STXBP4: variants seen among roughly 807,000 people sequenced by gnomAD.
STXBP4 encodes syntaxin-binding protein 4.
STXBP4 carries 55 observed loss-of-function variants against 76.1 expected under a neutral mutation model. The observed-to-expected ratio is 0.72, with a 90% CI of 0.58 to 0.91. STXBP4 has a LOEUF of 0.91. Ranked by LOEUF, STXBP4 falls within the 40% of genes least tolerant of loss-of-function variation. The pLI is 0.00. For missense variants in STXBP4, 618 were observed against 636.9 expected, an observed-to-expected ratio of 0.97 and a Z score of 0.32; for synonymous variants, 201 against 220.2, an observed-to-expected ratio of 0.91 and a Z score of 0.77.
chr17:55,183,175 G>A, the STXBP4 span, among the ~76,000 whole-genome samples: 1 of 151,968 alleles, frequency 6.6e-6, no homozygotes, highest in Non-Finnish European at 1.5e-5. Context: ...ACATAAAGAG[G>A]GTAAAAACTA....
intron 12 of STXBP4, among the ~76,000 whole-genome samples, chr17:55,069,451 G>T (rs549482591): frequency 4.6e-5 from 7 of 152,254 alleles, no homozygotes; most frequent in South Asian, 2.1e-4. Flanking sequence ...AGGCTGTACA[G>T]TTATTTATTA....
chr17:55,211,100 C>A, the STXBP4 span, among the ~76,000 whole-genome samples: 5 of 152,102 alleles, frequency 3.3e-5, no homozygotes, highest in Admixed American at 6.6e-5. Flanking sequence ...AATGCCCCCC[C>A]CCATGAAATT....
chr17:55,140,525 CTG>C (rs1486473421), intron 16 of STXBP4, among the ~76,000 whole-genome samples: 3 of 152,052 alleles, frequency 2.0e-5, no homozygotes, highest in African/African-American at 7.2e-5. Flanking sequence ...GTGGAAACCA[CTG>C]TGTTCTAGAA....
intron 8 of STXBP4, among the ~76,000 whole-genome samples, chr17:55,021,847 A>C (rs1423825011): frequency 6.6e-6 from 1 of 152,232 alleles, no homozygotes; most frequent in Admixed American, 6.5e-5. Context: ...AAAATGACTC[A>C]AGAATAGTTT....
intron 11 of STXBP4, among the ~76,000 whole-genome samples, chr17:55,046,122 T>C (rs918812166): frequency 2.3e-4 from 35 of 152,032 alleles, no homozygotes; most frequent in African/African-American, 8.2e-4. Context: ...GAATTCACAT[T>C]GCTACTGCTT....
chr17:55,140,149 T>A (rs1346145322), intron 16 of STXBP4, among the ~76,000 whole-genome samples: 1 of 151,880 alleles, frequency 6.6e-6, no homozygotes, highest in Non-Finnish European at 1.5e-5. Context: ...ACAAAAAAAT[T>A]TAAAAAAGAT....
intron 16 of STXBP4, among the ~76,000 whole-genome samples, chr17:55,094,469 G>T (rs1383911120): frequency 6.6e-6 from 1 of 152,130 alleles, no homozygotes; most frequent in Admixed American, 6.5e-5. Flanking sequence ...GGTAACTTGG[G>T]CTCAGTTTGA....
At chr17:55,035,742 C>G (rs1322211240) in intron 10 of STXBP4, among the ~76,000 whole-genome samples, 2 of 151,832 alleles carry the variant, frequency 1.3e-5, no homozygotes, top group Non-Finnish European at 2.9e-5. Context: ...GAATTCTTTT[C>G]ATGCCAGCTC....
intron 3 of STXBP4, among the ~76,000 whole-genome samples, chr17:54,990,272 T>C (rs1387934673): frequency 7.0e-6 from 1 of 142,552 alleles, no homozygotes; most frequent in Non-Finnish European, 1.5e-5. Context: ...TAGTGGTCCG[T>C]AGTCTGTTAG....
At chr17:55,000,212 T>C (rs2077885251) in intron 6 of STXBP4, 7 of 985,256 alleles carry the variant, frequency 7.1e-6, no homozygotes, top group Non-Finnish European at 8.4e-6. Flanking sequence ...TTTTTGTTCC[T>C]TAGCTTCTTT....
At chr17:54,991,004 A>G (rs745450122) in intron 4 of STXBP4, 47 bp downstream of exon 4, 14 of 1,463,602 alleles carry the variant, frequency 9.6e-6, no homozygotes, top group Non-Finnish European at 1.3e-5. Flanking sequence ...AAAAAGACCC[A>G]CCAGTGGTAA....
chr17:55,150,486 G>C (rs1216313071), intron 17 of STXBP4, among the ~76,000 whole-genome samples: 2 of 152,120 alleles, frequency 1.3e-5, no homozygotes, highest in Non-Finnish European at 2.9e-5. Flanking sequence ...ATACAGCCAC[G>C]CTGGGGTTTG....
intron 7 of STXBP4, among the ~76,000 whole-genome samples, chr17:55,005,118 C>T (rs577780024): frequency 2.5e-4 from 38 of 152,248 alleles, no homozygotes; most frequent in African/African-American, 7.7e-4. Flanking sequence ...ATTAAATCTC[C>T]TTATAATACA....
chr17:55,074,601 A>G (rs954323104), intron 13 of STXBP4, among the ~76,000 whole-genome samples: 1 of 152,196 alleles, frequency 6.6e-6, no homozygotes, highest in African/African-American at 2.4e-5. Flanking sequence ...GAAAGTTCAC[A>G]TGAAATTATT....
At chr17:55,185,284 TCTC>T in the STXBP4 span, among the ~76,000 whole-genome samples, 3 of 85,430 alleles carry the variant, frequency 3.5e-5, no homozygotes, top group African/African-American at 1.4e-4. Context: ...TCCTTCTCCT[TCTC>T]CTTCTCCTTC....
chr17:54,975,088 C>A (rs769355874), intron 1 of STXBP4, among the ~76,000 whole-genome samples: 1 of 152,138 alleles, frequency 6.6e-6, no homozygotes, highest in African/African-American at 2.4e-5. Flanking sequence ...TGATTCCTAC[C>A]CCACTTAGAT....
At chr17:55,077,686 C>CAT in intron 13 of STXBP4, among the ~76,000 whole-genome samples, 1 of 134,004 alleles carries the variant, frequency 7.5e-6, no homozygotes, top group South Asian at 2.6e-4. Context: ...TGTCTTACAT[C>CAT]GTGTGTGTGT....
rs1359927419 is a variant in STXBP4, at chr17:55,170,748, A to C, written c.*10837A>C. 6.6e-6 allele frequency: 1 copy of C among 152,238 alleles called. No individual in the cohort carries two copies. The highest frequency in any genetic ancestry group is 1.5e-5 in the Non-Finnish European group (1 of 68,048). 9.4% of individuals were successfully genotyped at this position (152,238 alleles called of 1,614,324 possible). A position where few individuals can be genotyped will look rare whatever the true frequency, so the allele number is the denominator to read the frequency against. ...AATAACTAAATTGATTATTGTGGAAACAACAAAAAAATTCATTTTTTGAAA... is the reference window on the plus strand; with the variant it reads ...AATAACTAAATTGATTATTGTGGAACCAACAAAAAAATTCATTTTTTGAAA... On this transcript the variant is annotated 3_prime_UTR_variant, in exon 18 of 18. Coordinates refer to ENST00000376352, the MANE Select transcript of STXBP4 (RefSeq NM_178509.6).
chr17:54,996,126 G>T (rs1011062755), intron 4 of STXBP4, among the ~76,000 whole-genome samples: 4 of 151,672 alleles, frequency 2.6e-5, no homozygotes, highest in African/African-American at 9.7e-5. Flanking sequence ...TGAGCAAAAA[G>T]ACACAACGAT....
Sources: gnomAD v4.1 joint callset for allele counts (sites outside exome capture counted in the v4.1 genomes callset) on GRCh38, gnomAD v4.1.1 for gene constraint, MANE v1.5 for transcripts, NCBI Gene and HGNC (gene_info 2026-07-23, HGNC 2026-07-21) for gene names.